Variants in TMEM132D observed in about 807,000 individuals in gnomAD.
The protein encoded by TMEM132D is mature OL transmembrane protein.
In TMEM132D, 21 loss-of-function variants were observed where a neutral mutation model predicts 62.3. That is an observed-to-expected ratio of 0.34 (90% CI 0.24 to 0.49). The LOEUF is 0.49. Ranked by LOEUF, TMEM132D falls within the 20% of genes least tolerant of loss-of-function variation. The pLI is 0.99. For missense variants in TMEM132D, 1,346 were observed against 1,402.8 expected, an observed-to-expected ratio of 0.96 and a Z score of 0.65; for synonymous variants, 621 against 575.6, an observed-to-expected ratio of 1.08 and a Z score of -1.13.
chr12:129,386,918 A>T (rs1037547116), intron 3 of TMEM132D, among the ~76,000 whole-genome samples: 16 of 152,124 alleles, frequency 1.1e-4, no homozygotes, highest in South Asian at 2.1e-4. Context: ...CAACACCAAC[A>T]CTAACACCAA....
At chr12:129,535,058 A>G (rs577679844) in intron 2 of TMEM132D, among the ~76,000 whole-genome samples, 112 of 152,296 alleles carry the variant, frequency 7.4e-4, no homozygotes, top group Non-Finnish European at 1.2e-3. Context: ...GTGAACATCC[A>G]TTGCTGGTAA....
intron 2 of TMEM132D, among the ~76,000 whole-genome samples, chr12:129,680,840 T>C (rs1181542614): frequency 3.3e-5 from 5 of 151,820 alleles, no homozygotes; most frequent in Non-Finnish European, 7.4e-5. Context: ...AGGCCAAGAG[T>C]AAGGTCTTCA....
chr12:129,230,101 G>A (rs963298633), intron 4 of TMEM132D, among the ~76,000 whole-genome samples: 1 of 152,200 alleles, frequency 6.6e-6, no homozygotes, highest in African/African-American at 2.4e-5. Flanking sequence ...GTTTTAAATT[G>A]GTCACAGTCA....
intron 1 of TMEM132D, among the ~76,000 whole-genome samples, chr12:129,796,161 C>G (rs1346480764): frequency 6.6e-6 from 1 of 151,708 alleles, no homozygotes; most frequent in Admixed American, 6.6e-5. Flanking sequence ...ATACTGAGAC[C>G]CTGTCTCTAA....
At chr12:129,493,204 A>C (rs1276386233) in intron 3 of TMEM132D, among the ~76,000 whole-genome samples, 1 of 152,218 alleles carries the variant, frequency 6.6e-6, no homozygotes, top group African/African-American at 2.4e-5. Flanking sequence ...GAATCCAAAA[A>C]TTAATCCAAC....
At chr12:129,304,295 C>T (rs531972963) in intron 4 of TMEM132D, among the ~76,000 whole-genome samples, 24 of 152,242 alleles carry the variant, frequency 1.6e-4, no homozygotes, top group Admixed American at 5.9e-4. Flanking sequence ...CCATATCCTC[C>T]GATACCGTGC....
At position 129,894,485 on chromosome 12, in the gene TMEM132D, C is replaced by T. The variant is rs1056992700; in HGVS notation, c.79+8776G>A. 3.3e-5 allele frequency among the ~76,000 whole-genome samples: 5 copies of T among 152,144 alleles called. No individual in the cohort carries two copies. In the East Asian group the frequency reaches 7.7e-4, roughly 23 times the overall value. On this transcript the variant is annotated intron_variant, in intron 1 of 8. Transcript: ENST00000422113. ...GAGATGAAGCAGGTTCTGGTGGGAT[C>T]CTTAAAGACCCCGGGTCAGCCTCAT...
chr12:129,498,694 G>A (rs890405987), intron 3 of TMEM132D, among the ~76,000 whole-genome samples: 2 of 152,104 alleles, frequency 1.3e-5, no homozygotes, highest in Non-Finnish European at 2.9e-5. Context: ...GAAATATTCC[G>A]CTTGGTGTAG....
intron 4 of TMEM132D, among the ~76,000 whole-genome samples, chr12:129,280,581 T>C (rs550787833): frequency 1.3e-5 from 2 of 152,276 alleles, no homozygotes; most frequent in Admixed American, 1.3e-4. Context: ...AAGTGAGAAG[T>C]CAGGAACTAT....
At chr12:129,231,042 T>C (rs527363855) in intron 4 of TMEM132D, among the ~76,000 whole-genome samples, 12 of 152,358 alleles carry the variant, frequency 7.9e-5, no homozygotes, top group African/African-American at 2.9e-4. Context: ...ATTTACTCCA[T>C]AGCATTCGTC....
At chr12:129,378,715 G>A (rs1870853410) in intron 3 of TMEM132D, among the ~76,000 whole-genome samples, 1 of 152,166 alleles carries the variant, frequency 6.6e-6, no homozygotes, top group Non-Finnish European at 1.5e-5. Context: ...ACTTGCTATA[G>A]AAGCTCGGTG....
At chr12:129,323,240 GT>G (rs1258567665) in intron 4 of TMEM132D, among the ~76,000 whole-genome samples, 1 of 151,618 alleles carries the variant, frequency 6.6e-6, no homozygotes, top group Admixed American at 6.6e-5. Flanking sequence ...CCTTACTCGT[GT>G]TTTTACAATT....
rs375868329 is a variant in TMEM132D at position 129,636,737 on chromosome 12, T to TGTGTGAGAGAGA, written c.968+63072_968+63073insTCTCTCTCACAC. Reference sequence around the variant, plus strand: ...GTGTGTGTGTGTGTGTGTGTGTGTGTGAGAGAGAGAGAGAGAGAGACAGAG... The same window carrying TGTGTGAGAGAGA: ...GTGTGTGTGTGTGTGTGTGTGTGTGTGTGTGAGAGAGAGAGAGAGAGAGAGAGAGAGACAGAG... On this transcript the variant is annotated intron_variant, in intron 2 of 8. Coordinates refer to ENST00000422113, the MANE Select transcript of TMEM132D (RefSeq NM_133448.3). Among the ~76,000 whole-genome samples the TGTGTGAGAGAGA allele has an allele frequency of 6.4e-4, 73 of 113,626 alleles. 1 individual carries two copies. The highest frequency in any genetic ancestry group is 2.4e-3 in the East Asian group (8 of 3,396). 74.5% of individuals were successfully genotyped at this position (113,626 alleles called of 152,430 possible). A position where few individuals can be genotyped will look rare whatever the true frequency, so the allele number is the denominator to read the frequency against.
intron 4 of TMEM132D, among the ~76,000 whole-genome samples, chr12:129,302,414 C>A (rs1881741781): frequency 6.6e-6 from 1 of 152,270 alleles, no homozygotes; most frequent in Non-Finnish European, 1.5e-5. Context: ...CACGCCCGGC[C>A]TCTGCCACCT....
intron 3 of TMEM132D, among the ~76,000 whole-genome samples, chr12:129,464,950 T>C (rs958828400): frequency 1.9e-4 from 28 of 146,314 alleles, no homozygotes; most frequent in Admixed American, 3.5e-4. Flanking sequence ...GACTTGGCAA[T>C]GCGGGCTCTT....
intron 5 of TMEM132D, among the ~76,000 whole-genome samples, chr12:129,154,992 G>A (rs2135537858): frequency 6.6e-6 from 1 of 152,318 alleles, no homozygotes; most frequent in Middle Eastern, 3.4e-3. Flanking sequence ...ACATACTGTT[G>A]ACTAAAAAAT....
At chr12:129,628,926 C>T (rs1879288058) in intron 2 of TMEM132D, among the ~76,000 whole-genome samples, 2 of 151,264 alleles carry the variant, frequency 1.3e-5, no homozygotes, top group Admixed American at 6.6e-5. Flanking sequence ...TTCTATCTCT[C>T]TTTCTCTCTC....
chr12:129,082,103 T>C (rs2135617114), intron 6 of TMEM132D, 71 bp from the exon 7 acceptor site: 1 of 1,520,926 alleles, frequency 6.6e-7, no homozygotes, highest in Non-Finnish European at 8.8e-7. Context: ...GTGTGGAGCC[T>C]GGTGGGGGCT....
chr12:129,632,878 G>A (rs899804109), intron 2 of TMEM132D, among the ~76,000 whole-genome samples: 1 of 152,112 alleles, frequency 6.6e-6, no homozygotes, highest in African/African-American at 2.4e-5. Flanking sequence ...CACTTTGTCA[G>A]CCACTTCGGT....
Sources: allele counts gnomAD v4.1 joint callset (sites outside exome capture counted in the v4.1 genomes callset), GRCh38; gene constraint gnomAD v4.1.1; transcripts MANE v1.5; gene names NCBI Gene and HGNC (gene_info 2026-07-23, HGNC 2026-07-21).